The following ACBD6 variants were observed in gnomAD, a reference collection of about 807,000 sequenced individuals.
ACBD6 encodes the protein acyl-CoA-binding domain-containing protein 6.
ACBD6 carries 28 observed loss-of-function variants against 37.2 expected under a neutral mutation model. That is an observed-to-expected ratio of 0.75 (90% confidence interval 0.56 to 1.03). The LOEUF (loss-of-function observed/expected upper bound fraction) is 1.03, where lower values mean the gene tolerates loss of function less well. ACBD6 is among the 50% of genes least tolerant of loss of function. The probability of loss-of-function intolerance (pLI) is 0.00; values close to 1 mark genes in which losing one functional copy is unlikely to be tolerated. For synonymous variants in ACBD6, 113 were observed against 126.8 expected (o/e 0.89, Z 0.73); for missense variants, 340 against 337.4 (o/e 1.01, Z -0.06).
chr1:180,348,880 C>G (rs929450305), intron 6 of ACBD6, among the ~76,000 whole-genome samples: 11 of 152,170 alleles, frequency 7.2e-5, no homozygotes, highest in African/African-American at 2.7e-4. Context: ...GGCAACATAT[C>G]AACAAATAAA....
At chr1:180,320,660 T>A (rs1443143586) in intron 6 of ACBD6, among the ~76,000 whole-genome samples, 1 of 152,026 alleles carries the variant, frequency 6.6e-6, no homozygotes, top group African/African-American at 2.4e-5. Context: ...ATAAAAAAAA[T>A]GAAAATAAAA....
intron 6 of ACBD6, among the ~76,000 whole-genome samples, chr1:180,332,012 T>C (rs975813507): frequency 1.3e-5 from 2 of 152,206 alleles, no homozygotes; most frequent in African/African-American, 4.8e-5. Context: ...CCCAAAAATA[T>C]GTTAAAGTTC....
At chr1:180,397,356 C>G (rs1192722938) in intron 6 of ACBD6, among the ~76,000 whole-genome samples, 160 bp downstream of exon 6, 1 of 152,106 alleles carries the variant, frequency 6.6e-6, no homozygotes, top group Non-Finnish European at 1.5e-5. Flanking sequence ...GCGGTGACAA[C>G]AGTATTACGG....
At chr1:180,427,048 A>C (rs574717077) in intron 4 of ACBD6, among the ~76,000 whole-genome samples, 2 of 152,234 alleles carry the variant, frequency 1.3e-5, no homozygotes, top group Non-Finnish European at 2.9e-5. Context: ...CTCTGACATT[A>C]TATTGATACT....
intron 4 of ACBD6, among the ~76,000 whole-genome samples, chr1:180,420,073 A>G (rs1038746724): frequency 6.6e-6 from 1 of 152,212 alleles, no homozygotes; most frequent in African/African-American, 2.4e-5. Flanking sequence ...TCTAATGTCA[A>G]TCTCTTTGGG....
intron 5 of ACBD6, among the ~76,000 whole-genome samples, chr1:180,409,633 C>G (rs1647772169): frequency 6.6e-6 from 1 of 152,134 alleles, no homozygotes; most frequent in Non-Finnish European, 1.5e-5. Context: ...GTGCTACAAA[C>G]CACACTGAGA....
At chr1:180,379,164 T>G (rs976660337) in intron 6 of ACBD6, among the ~76,000 whole-genome samples, 1 of 152,148 alleles carries the variant, frequency 6.6e-6, no homozygotes, top group African/African-American at 2.4e-5. Flanking sequence ...CTATTTACAG[T>G]TGAAGAAATC....
intron 7 of ACBD6, among the ~76,000 whole-genome samples, chr1:180,296,697 C>A (rs982666211): frequency 1.2e-4 from 18 of 151,886 alleles, no homozygotes; most frequent in African/African-American, 4.3e-4. Context: ...TCCCAAAGTG[C>A]TGGGATTACA....
At chr1:180,335,902 A>C (rs377409598) in intron 6 of ACBD6, among the ~76,000 whole-genome samples, 10,548 of 146,984 alleles carry the variant, frequency 0.072, 463 homozygotes, top group African/African-American at 0.11. Context: ...ACAAAGATCA[A>C]AAGAGACAAA....
intron 3 of ACBD6, among the ~76,000 whole-genome samples, chr1:180,441,452 A>G (rs945361717): frequency 2.6e-5 from 4 of 152,228 alleles, no homozygotes; most frequent in African/African-American, 9.6e-5. Context: ...TTCCATATAA[A>G]TCAGATTGAC....
At position 180,359,579 on chromosome 1, in the gene ACBD6, T is replaced by C. The variant is rs1212977896; in HGVS notation, c.663+37937A>G. ...AAGAAAAGTGTTAAACAAAAGAAAA[T>C]TATGAATTACTACCAAGCATTTAGA... On this transcript the variant is annotated intron_variant, in intron 6 of 7. Transcript: ENST00000367595. 2.6e-5 allele frequency among the ~76,000 whole-genome samples: 4 copies of C among 152,124 alleles called. No homozygotes were observed. The East Asian group carries it at 7.7e-4, about 29-fold the overall frequency.
intron 3 of ACBD6, among the ~76,000 whole-genome samples, chr1:180,479,721 C>T (rs1650949484): frequency 6.6e-6 from 1 of 152,092 alleles, no homozygotes; most frequent in Non-Finnish European, 1.5e-5. Context: ...AGCAGTATGG[C>T]AGGTACGCCT....
chr1:180,475,187 T>C (rs1650730359), intron 3 of ACBD6, among the ~76,000 whole-genome samples: 1 of 152,234 alleles, frequency 6.6e-6, no homozygotes. Flanking sequence ...ACTGTGCATA[T>C]TTAAATTGTA....
chr1:180,423,034 A>G (rs780576990), intron 4 of ACBD6, among the ~76,000 whole-genome samples: 2 of 152,178 alleles, frequency 1.3e-5, no homozygotes, highest in Admixed American at 1.3e-4. Flanking sequence ...ATGTGCCTAC[A>G]TTGTGATGAA....
At chr1:180,453,853 C>T (rs1649808408) in intron 3 of ACBD6, among the ~76,000 whole-genome samples, 1 of 152,092 alleles carries the variant, frequency 6.6e-6, no homozygotes, top group Admixed American at 6.5e-5. Flanking sequence ...AGGACCTCTT[C>T]AAAGAGAACT....
intron 4 of ACBD6, among the ~76,000 whole-genome samples, chr1:180,426,152 G>T (rs2101991258): frequency 6.6e-6 from 1 of 152,224 alleles, no homozygotes; most frequent in Non-Finnish European, 1.5e-5. Context: ...CATTTCAGTT[G>T]TATACTAGGA....
At chr1:180,444,847 C>T (rs547880837) in intron 3 of ACBD6, among the ~76,000 whole-genome samples, 1 of 152,292 alleles carries the variant, frequency 6.6e-6, no homozygotes, top group South Asian at 2.1e-4. Context: ...TTGGCTAAAT[C>T]TTTATCACTT....
At position 180,502,526 on chromosome 1, in the gene ACBD6, G is replaced by T. The variant is rs1304802777; in HGVS notation, c.-260C>A. The stretch of plus-strand genomic sequence containing the variant: ...CTCCGGCTTCCCTCCGGCCAACAGC[G>T]CGCTCAGGCTCGCCTCAGGCCCCTC... On this transcript the variant is annotated 5_prime_UTR_variant, in exon 1 of 8. Coordinates refer to ENST00000367595, the MANE Select transcript of ACBD6 (RefSeq NM_032360.4). 1.9e-6 allele frequency: 1 copy of T among 527,046 alleles called. No individual in the cohort carries two copies. Among genetic ancestry groups the T allele is most frequent in the African/African-American group, 1.9e-5 (1 of 51,828 alleles). 32.6% of individuals were successfully genotyped at this position (527,046 alleles called of 1,614,324 possible).
At chr1:180,472,205 G>C (rs1209463604) in intron 3 of ACBD6, among the ~76,000 whole-genome samples, 1 of 152,066 alleles carries the variant, frequency 6.6e-6, no homozygotes, top group Non-Finnish European at 1.5e-5. Flanking sequence ...TCCTCTGCTG[G>C]GCCCATTTGG....
Sources: gnomAD v4.1 joint callset for allele counts (sites outside exome capture counted in the v4.1 genomes callset) on GRCh38, gnomAD v4.1.1 for gene constraint, MANE v1.5 for transcripts, NCBI Gene and HGNC (gene_info 2026-07-23, HGNC 2026-07-21) for gene names.